TMEM232: variants seen among roughly 807,000 people sequenced by gnomAD.
The protein encoded by TMEM232 is transmembrane protein 232.
TMEM232 carries 80 observed loss-of-function variants against 78.8 expected under a neutral mutation model. The ratio of observed to expected loss-of-function variants is 1.01; its 90% CI spans 0.85 to 1.22. The LOEUF is 1.22. Among genes scored for constraint, TMEM232 ranks in the 50% most tolerant of loss-of-function variants. The pLI, the probability that TMEM232 is intolerant of heterozygous loss-of-function variation, is 0.00. For missense variants in TMEM232, 881 were observed against 742.2 expected, an observed-to-expected ratio of 1.19 and a Z score of -2.17; for synonymous variants, 297 against 254.3, an observed-to-expected ratio of 1.17 and a Z score of -1.60.
At chr5:110,711,746 A>C (rs1054458857) in intron 1 of TMEM232, among the ~76,000 whole-genome samples, 1 of 152,142 alleles carries the variant, frequency 6.6e-6, no homozygotes, top group Admixed American at 6.5e-5. Context: ...AAAAGAATGA[A>C]ACAAGACCCT....
At chr5:110,678,629 A>T (rs1792330361) in intron 1 of TMEM232, among the ~76,000 whole-genome samples, 2 of 152,058 alleles carry the variant, frequency 1.3e-5, no homozygotes, top group Non-Finnish European at 1.5e-5. Flanking sequence ...ATAGTATCAT[A>T]CAGAGTGTTT....
At chr5:110,499,751 A>G (rs1766038244) in intron 12 of TMEM232, among the ~76,000 whole-genome samples, 1 of 152,108 alleles carries the variant, frequency 6.6e-6, no homozygotes, top group Admixed American at 6.6e-5. Context: ...AAAAAGATGT[A>G]TTTCAAGTGT....
At chr5:110,624,214 T>C (rs1219220613) in intron 7 of TMEM232, among the ~76,000 whole-genome samples, 1 of 152,156 alleles carries the variant, frequency 6.6e-6, no homozygotes, top group African/African-American at 2.4e-5. Flanking sequence ...GGTCACTGTT[T>C]AGGGTAAAGT....
intron 2 of TMEM232, among the ~76,000 whole-genome samples, chr5:110,401,659 T>C (rs1193985075): frequency 2.0e-5 from 3 of 152,072 alleles, no homozygotes; most frequent in Non-Finnish European, 4.4e-5. Context: ...CAAATCCATA[T>C]CAAATATCAC....
chr5:110,640,918 C>G lies in TMEM232; in HGVS notation c.316G>C (p.Ala106Pro), dbSNP rs1417728826. Reference protein sequence around the residue: ...PAAWTEVIYLAQCKGEIQDES... With the variant: ...PAAWTEVIYLPQCKGEIQDES... ...TCTTGGATTTCCCCTTTGCATTGAGCCAGATATATTACTTCAGTCCATGCA... is the reference window on the plus strand; with the variant it reads ...TCTTGGATTTCCCCTTTGCATTGAGGCAGATATATTACTTCAGTCCATGCA... The change falls in exon 4 of 14, where the codon GCT becomes CCT. Residue 106 changes from alanine (A) to proline (P), a missense_variant. By Grantham distance (27) the Ala-to-Pro change is conservative. Coordinates refer to ENST00000455884, the MANE Select transcript of TMEM232 (RefSeq NM_001039763.4). The G allele has an allele frequency of 2.6e-6, 4 of 1,538,438 alleles. No homozygotes were observed. In the East Asian group the frequency reaches 9.9e-5, roughly 38 times the overall value.
Position 110,439,302 on chromosome 5 carries a change from C to T in TMEM232, c.1704-14386G>A, listed in dbSNP as rs76919506. ...CTCTCAACTTGACTATTATTTTTGC[C>T]ATTACCTACTCCCACATTAAAAATA... On this transcript the variant is annotated intron_variant, in intron 12 of 13. Coordinates refer to ENST00000455884, the MANE Select transcript of TMEM232 (RefSeq NM_001039763.4). Among the ~76,000 whole-genome samples, 561 of 152,226 alleles carry T rather than the reference C, an allele frequency of 3.7e-3. 2 individuals are homozygous for T. Among genetic ancestry groups the T allele is most frequent in the Non-Finnish European group, 6.3e-3 (427 of 68,018 alleles).
intron 12 of TMEM232, among the ~76,000 whole-genome samples, chr5:110,469,757 T>C (rs760866447): frequency 1.3e-5 from 2 of 152,148 alleles, no homozygotes; most frequent in Middle Eastern, 3.2e-3. Flanking sequence ...AGGGAATCAG[T>C]GCGTTGGCTA....
chr5:110,635,450 A>G (rs1172446561), intron 5 of TMEM232, among the ~76,000 whole-genome samples: 1 of 152,118 alleles, frequency 6.6e-6, no homozygotes, highest in Non-Finnish European at 1.5e-5. Flanking sequence ...ATACTAGCAA[A>G]CTGAATCCAA....
chr5:110,403,088 C>A (rs1020219445), intron 2 of TMEM232, among the ~76,000 whole-genome samples: 5 of 152,044 alleles, frequency 3.3e-5, no homozygotes, highest in Non-Finnish European at 5.9e-5. Flanking sequence ...CTACAGATTG[C>A]CTTTCATGGA....
chr5:110,583,984 A>AAG (rs1778510002), intron 10 of TMEM232, among the ~76,000 whole-genome samples: 1 of 148,012 alleles, frequency 6.8e-6, no homozygotes, highest in Admixed American at 6.8e-5. Flanking sequence ...AAAAAAAAAA[A>AAG]GAAGAAAAAG....
At chr5:110,503,198 T>G (rs1766465246) in intron 12 of TMEM232, among the ~76,000 whole-genome samples, 1 of 152,138 alleles carries the variant, frequency 6.6e-6, no homozygotes, top group Non-Finnish European at 1.5e-5. Flanking sequence ...TGTTTTCTTC[T>G]TTTTCAAATC....
chr5:110,419,923 C>T lies in TMEM232; in HGVS notation c.*657G>A, dbSNP rs544495950. ...TCTTCAGCAGTTGCTCCTGGACCTT[C>T]CAGGTTCATAAGAATTCATTCTCAT... is the stretch of plus-strand genomic sequence containing the variant. On this transcript the variant is annotated 3_prime_UTR_variant, in exon 14 of 14. Coordinates refer to ENST00000455884, the MANE Select transcript of TMEM232 (RefSeq NM_001039763.4). Among the ~76,000 whole-genome samples the T allele has an allele frequency of 1.3e-5, 2 of 152,190 alleles. No homozygotes were observed. Among genetic ancestry groups the T allele is most frequent in the East Asian group, 3.9e-4 (2 of 5,172 alleles).
chr5:110,571,035 A>C (rs1421751920), intron 10 of TMEM232, among the ~76,000 whole-genome samples: 2 of 152,020 alleles, frequency 1.3e-5, no homozygotes, highest in Non-Finnish European at 2.9e-5. Context: ...TATCCTGTCC[A>C]AAATTAACTC....
At chr5:110,501,386 TATA>T (rs1359718421) in intron 12 of TMEM232, among the ~76,000 whole-genome samples, 6 of 151,802 alleles carry the variant, frequency 4.0e-5, no homozygotes, top group Non-Finnish European at 8.8e-5. Flanking sequence ...TTAGTCTTAT[TATA>T]ATAATTATAT....
intron 11 of TMEM232, among the ~76,000 whole-genome samples, chr5:110,544,639 CAT>C (rs1320150097): frequency 2.0e-5 from 3 of 152,136 alleles, no homozygotes; most frequent in African/African-American, 7.2e-5. Context: ...TCCTTTTTAA[CAT>C]GTCTTTACCT....
chr5:110,601,936 A>T (rs1780963082), intron 10 of TMEM232, among the ~76,000 whole-genome samples: 1 of 152,212 alleles, frequency 6.6e-6, no homozygotes, highest in Non-Finnish European at 1.5e-5. Context: ...TGGTACTGGT[A>T]CCAAAACAGA....
chr5:110,645,077 T>C (rs567956388), intron 2 of TMEM232, among the ~76,000 whole-genome samples: 2 of 151,458 alleles, frequency 1.3e-5, no homozygotes, highest in South Asian at 4.2e-4. Context: ...AAAGATTAGA[T>C]TAGTAATGAA....
intron 12 of TMEM232, among the ~76,000 whole-genome samples, chr5:110,458,038 GCTTTA>G (rs1309898484): frequency 1.3e-5 from 2 of 151,898 alleles, no homozygotes; most frequent in Non-Finnish European, 2.9e-5. Context: ...ACATTTAAGT[GCTTTA>G]CTTTTGTTAC....
chr5:110,599,813 G>C (rs767580319), intron 10 of TMEM232, among the ~76,000 whole-genome samples: 12 of 151,970 alleles, frequency 7.9e-5, no homozygotes, highest in Non-Finnish European at 1.2e-4. Flanking sequence ...TGGACCAAGT[G>C]GACCTAATAG....
Sources: gnomAD v4.1 joint callset for allele counts (sites outside exome capture counted in the v4.1 genomes callset) on GRCh38, gnomAD v4.1.1 for gene constraint, MANE v1.5 for transcripts, NCBI Gene and HGNC (gene_info 2026-07-23, HGNC 2026-07-21) for gene names.